Variants in AMBRA1 observed in about 807,000 individuals in gnomAD.
AMBRA1 encodes the protein activating molecule in BECN1-regulated autophagy protein 1.
AMBRA1 carries 47 observed loss-of-function variants against 125.4 expected under a neutral mutation model. The ratio of observed to expected loss-of-function variants is 0.37; its 90% CI spans 0.30 to 0.48. The LOEUF (loss-of-function observed/expected upper bound fraction) is 0.48, where lower values mean the gene tolerates loss of function less well. AMBRA1 is among the 20% of genes least tolerant of loss of function. The pLI is 0.99. For missense variants in AMBRA1, 1,331 were observed against 1,693.4 expected (o/e 0.79, Z 3.76); for synonymous variants, 626 against 655.5 (o/e 0.95, Z 0.69).
At chr11:46,405,960 A>T (rs954070630) in intron 17 of AMBRA1, among the ~76,000 whole-genome samples, 1 of 151,542 alleles carries the variant, frequency 6.6e-6, no homozygotes, top group Non-Finnish European at 1.5e-5. Flanking sequence ...CTTGAACTCC[A>T]GGACTCAACA....
intron 7 of AMBRA1, among the ~76,000 whole-genome samples, chr11:46,533,909 C>T (rs1286517594): frequency 4.0e-5 from 6 of 151,764 alleles, no homozygotes; most frequent in African/African-American, 9.7e-5. Flanking sequence ...CACTGGCTGA[C>T]GGTGCCAAGC....
intron 3 of AMBRA1, among the ~76,000 whole-genome samples, 177 bp downstream of exon 3, chr11:46,547,640 G>T (rs965704722): frequency 1.3e-5 from 2 of 152,088 alleles, no homozygotes; most frequent in African/African-American, 2.4e-5. Flanking sequence ...TTGTTCTCAT[G>T]ATTTTTCAGG....
intron 12 of AMBRA1, among the ~76,000 whole-genome samples, chr11:46,440,281 A>G (rs1265956553): frequency 6.6e-6 from 1 of 152,236 alleles, no homozygotes; most frequent in Non-Finnish European, 1.5e-5. Context: ...ACTGACATGA[A>G]AAGAACACTG....
chr11:46,577,840 G>C (rs4752802), intron 1 of AMBRA1, among the ~76,000 whole-genome samples: 152,217 of 152,218 alleles, frequency 1, 76,108 homozygotes, highest in Non-Finnish European at 1. Context: ...ATCCCAGCTA[G>C]TCAGGAGGCT....
chr11:46,477,385 T>G (rs946114542), intron 11 of AMBRA1, among the ~76,000 whole-genome samples: 2 of 151,366 alleles, frequency 1.3e-5, no homozygotes, highest in African/African-American at 2.4e-5. Flanking sequence ...TGATGTGATC[T>G]CTGCTCAATG....
intron 11 of AMBRA1, among the ~76,000 whole-genome samples, chr11:46,486,625 G>A (rs1176636920): frequency 6.6e-6 from 1 of 152,180 alleles, no homozygotes; most frequent in Non-Finnish European, 1.5e-5. Context: ...ACAAGAGGAG[G>A]CTAGGTGCAG....
chr11:46,446,743 T>C (rs1481403063), intron 11 of AMBRA1, among the ~76,000 whole-genome samples: 1 of 152,226 alleles, frequency 6.6e-6, no homozygotes, highest in Non-Finnish European at 1.5e-5. Flanking sequence ...TCATTCCTAG[T>C]TGAGAAATGC....
chr11:46,489,663 A>C (rs1193473940), intron 11 of AMBRA1, among the ~76,000 whole-genome samples: 2 of 152,208 alleles, frequency 1.3e-5, no homozygotes, highest in Admixed American at 1.3e-4. Context: ...ATTAGGATGA[A>C]AGTCAAAAAG....
intron 17 of AMBRA1, among the ~76,000 whole-genome samples, chr11:46,403,924 A>G (rs4508179): frequency 0.99 from 150,508 of 152,290 alleles, 74,405 homozygotes; most frequent in East Asian, 1. Flanking sequence ...GTGTGGCTGC[A>G]TGTGGCGGCT....
chr11:46,439,498 A>G (rs1947897231), intron 12 of AMBRA1, among the ~76,000 whole-genome samples: 1 of 152,156 alleles, frequency 6.6e-6, no homozygotes, highest in Non-Finnish European at 1.5e-5. Context: ...ATGGGGGGGA[A>G]ATTGGATCAT....
intron 17 of AMBRA1, among the ~76,000 whole-genome samples, chr11:46,407,891 TG>T (rs1478005076): frequency 2.0e-5 from 3 of 152,176 alleles, no homozygotes; most frequent in African/African-American, 7.2e-5. Flanking sequence ...GAGAACAGCC[TG>T]TTTAACACAG....
At chr11:46,546,417 T>C (rs1185943565) in intron 4 of AMBRA1, among the ~76,000 whole-genome samples, 2 of 152,088 alleles carry the variant, frequency 1.3e-5, no homozygotes, top group Non-Finnish European at 2.9e-5. Context: ...AGCCAGTTAC[T>C]AGGACAAAGA....
intron 17 of AMBRA1, among the ~76,000 whole-genome samples, chr11:46,405,710 A>T (rs1945977952): frequency 6.6e-6 from 1 of 151,998 alleles, no homozygotes. Flanking sequence ...TGAGTGACAG[A>T]GTGAGACTCT....
intron 11 of AMBRA1, among the ~76,000 whole-genome samples, chr11:46,459,937 T>C (rs1949025511): frequency 1.3e-5 from 2 of 152,314 alleles, no homozygotes; most frequent in South Asian, 4.1e-4. Context: ...AGCCTCAGGT[T>C]CCCTCTTTTC....
rs1181191873 is a variant in AMBRA1 at position 46,535,022 on chromosome 11, CCCTTA to C, written c.2072+6918_2072+6922del. Among the ~76,000 whole-genome samples, 14 of 152,314 alleles carry C rather than the reference CCCTTA, an allele frequency of 9.2e-5. No homozygotes were observed. In the South Asian group the frequency reaches 2.3e-3, roughly 25 times the overall value. On this transcript the variant is annotated intron_variant, in intron 7 of 17. Transcript: ENST00000683756. ...GAGTTTACCTTCCCCAGCTTCCCTT[CCCTTA>C]CATCTCTTAAAATAAGTTTGTTAAT...
At chr11:46,462,174 T>C (rs77561648) in intron 11 of AMBRA1, among the ~76,000 whole-genome samples, 2,487 of 152,318 alleles carry the variant, frequency 0.016, 68 homozygotes, top group African/African-American at 0.057. Context: ...CAGAAAACCC[T>C]GGACCTGCTA....
At chr11:46,548,199 A>G (rs1297577266) in intron 2 of AMBRA1, 47 bp downstream of exon 2, 1 of 1,612,186 alleles carries the variant, frequency 6.2e-7, no homozygotes, top group East Asian at 2.2e-5. Context: ...GTCTCATTCT[A>G]CCATCACCAG....
chr11:46,479,829 A>G (rs543072888), intron 11 of AMBRA1, among the ~76,000 whole-genome samples: 1 of 152,312 alleles, frequency 6.6e-6, no homozygotes, highest in African/African-American at 2.4e-5. Flanking sequence ...ATCTGTTATC[A>G]GTTTTCTATA....
chr11:46,436,443 G>C (rs1052552613), intron 12 of AMBRA1, among the ~76,000 whole-genome samples: 1 of 152,178 alleles, frequency 6.6e-6, no homozygotes, highest in Non-Finnish European at 1.5e-5. Context: ...ACATAAAACC[G>C]AAGAGGGACC....
Sources: gnomAD v4.1 joint callset for allele counts (sites outside exome capture counted in the v4.1 genomes callset) on GRCh38, gnomAD v4.1.1 for gene constraint, MANE v1.5 for transcripts, NCBI Gene and HGNC (gene_info 2026-07-23, HGNC 2026-07-21) for gene names.